CDKL3: variants seen among roughly 807,000 people sequenced by gnomAD.
CDKL3 encodes the protein cyclin dependent kinase like 3.
CDKL3 carries 65 observed loss-of-function variants against 69.3 expected under a neutral mutation model. The ratio of observed to expected loss-of-function variants is 0.94; its 90% CI spans 0.77 to 1.15. The LOEUF (loss-of-function observed/expected upper bound fraction) is 1.15. CDKL3 is among the 50% of genes most tolerant of loss of function. The pLI, the probability that CDKL3 is intolerant of heterozygous loss-of-function variation, is 0.00. For missense variants in CDKL3, 652 were observed against 689.2 expected (o/e 0.95, Z 0.61); for synonymous variants, 202 against 221.6 (o/e 0.91, Z 0.79).
At chr5:134,299,722 T>C in intron 12 of CDKL3, 1 of 1,534,784 alleles carries the variant, frequency 6.5e-7, no homozygotes, top group East Asian at 2.4e-5. Flanking sequence ...CAAGTTCTTC[T>C]TCCTTTCAGT....
intron 12 of CDKL3, chr5:134,299,454 A>G: frequency 1.8e-6 from 2 of 1,133,614 alleles, no homozygotes; most frequent in Non-Finnish European, 2.3e-6. Flanking sequence ...CTGCAATTTT[A>G]TTAGGATGTA....
At chr5:134,371,551 CG>C, upstream of CDKL3, 1 of 1,599,560 alleles carries the variant, frequency 6.3e-7, no homozygotes, top group Non-Finnish European at 8.5e-7. Flanking sequence ...GGGGGCTGCG[CG>C]GGACTTTTTT....
intron 7 of CDKL3, among the ~76,000 whole-genome samples, chr5:134,312,004 C>G (rs1166985656): frequency 6.6e-6 from 1 of 152,056 alleles, no homozygotes; most frequent in Non-Finnish European, 1.5e-5. Context: ...CTATGTTGCC[C>G]AGGCCGGTCG....
chr5:134,347,455 CCATAG>C (rs1752188512), intron 4 of CDKL3, among the ~76,000 whole-genome samples: 1 of 151,770 alleles, frequency 6.6e-6, no homozygotes, highest in Non-Finnish European at 1.5e-5. Flanking sequence ...ACACGGACAC[CCATAG>C]CAGCATTACC....
chr5:134,368,380 A>G (rs1179656386), upstream of CDKL3, among the ~76,000 whole-genome samples: 1 of 152,186 alleles, frequency 6.6e-6, no homozygotes, highest in African/African-American at 2.4e-5. Flanking sequence ...GCACTTTGGG[A>G]GGCCCAGGCG....
chr5:134,334,098 G>T (rs1368638565), intron 4 of CDKL3, among the ~76,000 whole-genome samples: 1 of 152,168 alleles, frequency 6.6e-6, no homozygotes, highest in Non-Finnish European at 1.5e-5. Context: ...TATTTGTGTG[G>T]AGGGGTTTGT....
chr5:134,343,396 T>C (rs1751017472), intron 4 of CDKL3, among the ~76,000 whole-genome samples: 1 of 152,236 alleles, frequency 6.6e-6, no homozygotes, highest in African/African-American at 2.4e-5. Flanking sequence ...CGTTCATTCC[T>C]GGGCGTAGGC....
intron 4 of CDKL3, among the ~76,000 whole-genome samples, chr5:134,344,779 A>G (rs1751403494): frequency 1.3e-5 from 2 of 152,124 alleles, no homozygotes; most frequent in Non-Finnish European, 2.9e-5. Context: ...AAAGCCAGCC[A>G]TAGGCTGGGT....
intron 4 of CDKL3, among the ~76,000 whole-genome samples, chr5:134,325,191 G>A (rs1179670920): frequency 2.0e-5 from 3 of 152,112 alleles, no homozygotes; most frequent in African/African-American, 7.2e-5. Context: ...AGTAAATAAA[G>A]AAGAGTGGGG....
intron 8 of CDKL3, among the ~76,000 whole-genome samples, chr5:134,289,140 C>G (rs1286516252): frequency 9.0e-6 from 1 of 111,182 alleles, no homozygotes; most frequent in East Asian, 2.5e-4. Context: ...TCAGCCTAGA[C>G]AGCAGAGCAA....
At chr5:134,304,075 G>A (rs1465172887) in intron 11 of CDKL3, among the ~76,000 whole-genome samples, 1 of 151,782 alleles carries the variant, frequency 6.6e-6, no homozygotes, top group East Asian at 1.9e-4. Context: ...TGGGACTACA[G>A]GCACACACCA....
intron 4 of CDKL3, among the ~76,000 whole-genome samples, chr5:134,333,612 C>T (rs955652777): frequency 3.9e-5 from 6 of 152,160 alleles, no homozygotes; most frequent in South Asian, 2.1e-4. Context: ...TGATGGATTA[C>T]GTTTACTGAT....
rs10038881 is a variant in CDKL3, at chr5:134,351,574, A to G, written c.361-1147T>C. ...CTCAACCTCCTGAGTAGCTAGGACT[A>G]TAAGCGCGTGTCTGTAGTCCTACAG... On this transcript the variant is annotated intron_variant, in intron 3 of 12. Transcript: ENST00000265334. Among the ~76,000 whole-genome samples the G allele has an allele frequency of 4.1e-3, 621 of 152,120 alleles. 5 individuals carry two copies. The highest frequency in any genetic ancestry group is 0.013 in the African/African-American group (553 of 41,530).
At chr5:134,354,121 T>G (rs1753978264) in intron 3 of CDKL3, among the ~76,000 whole-genome samples, 1 of 152,192 alleles carries the variant, frequency 6.6e-6, no homozygotes, top group Non-Finnish European at 1.5e-5. Context: ...GCTCCTTCTA[T>G]ATGTTCACAT....
intron 4 of CDKL3, among the ~76,000 whole-genome samples, chr5:134,326,790 C>CGTGTGTGTATATATATATATAT (rs1561562249): frequency 2.6e-5 from 3 of 114,866 alleles, no homozygotes; most frequent in African/African-American, 9.6e-5. Flanking sequence ...ATACTTAAAG[C>CGTGTGTGTATATATATATATAT]GTGTGTGTAT....
chr5:134,367,469 G>A (rs1156644639), upstream of CDKL3: 19 of 896,652 alleles, frequency 2.1e-5, no homozygotes, highest in Non-Finnish European at 2.4e-5. Flanking sequence ...CTCCTTCCAG[G>A]TTTAAGTGAT....
intron 5 of CDKL3, among the ~76,000 whole-genome samples, chr5:134,321,400 T>C (rs1347116178): frequency 6.6e-6 from 1 of 152,176 alleles, no homozygotes; most frequent in African/African-American, 2.4e-5. Flanking sequence ...TCTGAGTAAA[T>C]AATTACTTTT....
At chr5:134,332,337 C>T (rs201700703) in intron 4 of CDKL3, among the ~76,000 whole-genome samples, 3 of 152,096 alleles carry the variant, frequency 2.0e-5, no homozygotes, top group Non-Finnish European at 2.9e-5. Flanking sequence ...GTTGCCATTG[C>T]TTTTGGTGTT....
At position 134,308,744 on chromosome 5, in the gene CDKL3, T is replaced by C; in HGVS notation, c.882-17A>G. 6.4e-7 allele frequency: 1 copy of C among 1,563,664 alleles called. No homozygotes were observed. The highest frequency in any genetic ancestry group is 2.3e-5 in the East Asian group (1 of 44,400). ...GGCATGAATCTGACAAAACAAGCAA[T>C]ATCAACGAGTAATCTTTTTATATAT... On this transcript the variant is annotated splice_polypyrimidine_tract_variant and intron_variant, in intron 7 of 12. Transcript: ENST00000265334.
Sources: gnomAD v4.1 joint callset for allele counts (sites outside exome capture counted in the v4.1 genomes callset) on GRCh38, gnomAD v4.1.1 for gene constraint, MANE v1.5 for transcripts, NCBI Gene and HGNC (gene_info 2026-07-23, HGNC 2026-07-21) for gene names.